SYCP2L: variants seen among roughly 807,000 people sequenced by gnomAD.
SYCP2L encodes the protein synaptonemal complex protein 2-like.
In SYCP2L, 98 loss-of-function variants were observed where a neutral mutation model predicts 125.8. The ratio of observed to expected loss-of-function variants is 0.78; its 90% CI spans 0.66 to 0.92. The LOEUF (loss-of-function observed/expected upper bound fraction) is 0.92, where lower values mean the gene tolerates loss of function less well. Among genes scored for constraint, SYCP2L ranks in the 40% least tolerant of loss-of-function variants. The probability of loss-of-function intolerance (pLI) is 0.00; values close to 1 mark genes in which losing one functional copy is unlikely to be tolerated. For synonymous variants in SYCP2L, 317 were observed against 325.4 expected, an observed-to-expected ratio of 0.97 and a Z score of 0.28; for missense variants, 842 against 936.4, an observed-to-expected ratio of 0.90 and a Z score of 1.32.
At position 10,917,777 on chromosome 6, in the gene SYCP2L, T is replaced by C. The variant is rs1355066882; in HGVS notation, c.1072+4850T>C. 3.3e-5 allele frequency among the ~76,000 whole-genome samples: 5 copies of C among 152,334 alleles called. No individual in the cohort carries two copies. The East Asian group carries it at 9.6e-4, about 29-fold the overall frequency. On this transcript the variant is annotated intron_variant, in intron 14 of 29. Coordinates refer to ENST00000283141, the MANE Select transcript of SYCP2L (RefSeq NM_001040274.3). ...ATTTATGCCTTAAAGAGGTTCTGTT[T>C]TGATGTGTTTCCAGGATTCAAGATT...
In SYCP2L at chr6:10,935,071, C is replaced by T; in HGVS notation, c.1697C>T (p.Ser566Leu). Residue 566 changes from serine (S) to leucine (L), a missense_variant, in exon 21 of 30, where the codon TCA (serine) becomes TTA (leucine). By Grantham distance (145) the Ser-to-Leu change is moderately radical. Coordinates refer to ENST00000283141, the MANE Select transcript of SYCP2L (RefSeq NM_001040274.3). ...GHEKDQAKLL[S>L]PSEKEIPEQN... ...ACTATATTTTAGGCTAAGCTTCTAT[C>T]ACCATCAGAGAAAGAAATACCCGAG... The T allele has an allele frequency of 6.2e-7, 1 of 1,607,806 alleles. No homozygotes were observed. Among genetic ancestry groups the T allele is most frequent in the South Asian group, 1.1e-5 (1 of 88,638 alleles).
At position 10,924,997 on chromosome 6, in the gene SYCP2L, G is replaced by A. The variant is rs147953413; in HGVS notation, c.1218+356G>A. 5.4e-4 allele frequency among the ~76,000 whole-genome samples: 82 copies of A among 152,286 alleles called. 1 individual carries two copies. The East Asian group carries it at 0.015, about 27-fold the overall frequency. ...TCAGCTCCCCCTGGACCTAGGGGGA[G>A]TGTATTAGTCTGTTCTCACGCTGCT... On this transcript the variant is annotated intron_variant, in intron 15 of 29. Transcript: ENST00000283141.
chr6:10,972,309 T>G (rs539574932), intron 29 of SYCP2L, among the ~76,000 whole-genome samples: 10 of 152,306 alleles, frequency 6.6e-5, no homozygotes, highest in Non-Finnish European at 1.0e-4. Flanking sequence ...AAAAAAAGAC[T>G]AATCTGGGCT....
chr6:10,952,405 C>T (rs573715166), intron 23 of SYCP2L, among the ~76,000 whole-genome samples: 4 of 152,210 alleles, frequency 2.6e-5, no homozygotes, highest in East Asian at 1.9e-4. Flanking sequence ...TCACAAATTC[C>T]GCATAATTCA....
intron 5 of SYCP2L, among the ~76,000 whole-genome samples, 155 bp from the exon 6 acceptor site, chr6:10,898,669 G>A (rs963528994): frequency 2.0e-5 from 3 of 152,184 alleles, no homozygotes; most frequent in Admixed American, 2.0e-4. Context: ...TTTTAAGGAA[G>A]TGATTAAGGC....
intron 23 of SYCP2L, among the ~76,000 whole-genome samples, chr6:10,947,712 T>A (rs1344133012): frequency 6.6e-6 from 1 of 152,086 alleles, no homozygotes; most frequent in Non-Finnish European, 1.5e-5. Context: ...AGATTCTTTC[T>A]CCCCTTCTGA....
At chr6:10,972,009 T>G (rs1263462695) in intron 29 of SYCP2L, among the ~76,000 whole-genome samples, 6 of 152,214 alleles carry the variant, frequency 3.9e-5, no homozygotes, top group African/African-American at 1.4e-4. Context: ...ATTGATATAC[T>G]AAATATATAT....
At chr6:10,938,096 A>G (rs916051435) in intron 21 of SYCP2L, among the ~76,000 whole-genome samples, 11 of 152,216 alleles carry the variant, frequency 7.2e-5, no homozygotes, top group African/African-American at 2.7e-4. Context: ...AAAGCCAGAT[A>G]AGAATGCTAC....
At chr6:10,909,116 A>ATTTTTTTTTT (rs67767345) in intron 10 of SYCP2L, among the ~76,000 whole-genome samples, 16 of 94,878 alleles carry the variant, frequency 1.7e-4, no homozygotes, top group African/African-American at 7.2e-4. Context: ...TCTCAATTGA[A>ATTTTTTTTTT]TTTTTTTTTT....
At chr6:10,887,588 A>G (rs1337151249) in intron 1 of SYCP2L, among the ~76,000 whole-genome samples, 2 of 152,208 alleles carry the variant, frequency 1.3e-5, no homozygotes, top group Admixed American at 1.3e-4. Flanking sequence ...AATAAAAAAA[A>G]ACACATGAAG....
intron 6 of SYCP2L, among the ~76,000 whole-genome samples, chr6:10,899,659 A>G (rs890962533): frequency 6.6e-6 from 1 of 152,214 alleles, no homozygotes; most frequent in Non-Finnish European, 1.5e-5. Flanking sequence ...TCTATGTTAC[A>G]TGTTTTTAGT....
At chr6:10,921,809 C>G (rs1431919222) in intron 14 of SYCP2L, among the ~76,000 whole-genome samples, 1 of 151,868 alleles carries the variant, frequency 6.6e-6, no homozygotes, top group Non-Finnish European at 1.5e-5. Flanking sequence ...GGGTTCATGC[C>G]ATTCTTCTGC....
At chr6:10,942,565 C>T (rs772877072) in intron 22 of SYCP2L, 36 bp downstream of exon 22, 3 of 1,580,752 alleles carry the variant, frequency 1.9e-6, no homozygotes, top group Admixed American at 1.8e-5. Flanking sequence ...TCTGATTTTC[C>T]AGAATTAATA....
At chr6:10,970,179 G>A (rs1329870848) in intron 29 of SYCP2L, among the ~76,000 whole-genome samples, 1 of 152,218 alleles carries the variant, frequency 6.6e-6, no homozygotes, top group African/African-American at 2.4e-5. Context: ...TTGAGCTGAA[G>A]TCTGAAGGTC....
At chr6:10,955,437 C>G (rs73432983) in intron 24 of SYCP2L, among the ~76,000 whole-genome samples, 1 of 152,088 alleles carries the variant, frequency 6.6e-6, no homozygotes, top group Admixed American at 6.5e-5. Context: ...ATTTCTTCCT[C>G]GTAACTCTTC....
At chr6:10,933,541 A>G (rs1234231235) in intron 20 of SYCP2L, among the ~76,000 whole-genome samples, 1 of 152,216 alleles carries the variant, frequency 6.6e-6, no homozygotes, top group Non-Finnish European at 1.5e-5. Context: ...TCAAGTTCCC[A>G]GATACTGCTC....
At chr6:10,927,051 G>T (rs575170983) in intron 16 of SYCP2L, among the ~76,000 whole-genome samples, 189 bp from the exon 17 acceptor site, 16 of 152,214 alleles carry the variant, frequency 1.1e-4, no homozygotes, top group African/African-American at 3.1e-4. Context: ...AAAGTCCTGG[G>T]ATTACAGACG....
intron 23 of SYCP2L, among the ~76,000 whole-genome samples, chr6:10,953,960 T>C (rs2113401895): frequency 7.1e-6 from 1 of 141,562 alleles, no homozygotes; most frequent in East Asian, 2.1e-4. Context: ...GGCCTTGAGG[T>C]AAGACCGTGC....
chr6:10,936,746 G>A (rs538965782), intron 21 of SYCP2L, among the ~76,000 whole-genome samples: 94 of 152,234 alleles, frequency 6.2e-4, no homozygotes, highest in African/African-American at 2.1e-3. Context: ...GTGAAGGGTC[G>A]GAAAAAGATA....
Sources: gnomAD v4.1 joint callset for allele counts (sites outside exome capture counted in the v4.1 genomes callset) on GRCh38, gnomAD v4.1.1 for gene constraint, MANE v1.5 for transcripts, NCBI Gene and HGNC (gene_info 2026-07-23, HGNC 2026-07-21) for gene names.